Variants in IFT80 observed in about 807,000 individuals in gnomAD.
IFT80 encodes intraflagellar transport protein 80 homolog.
In IFT80, 79 loss-of-function variants were observed where a neutral mutation model predicts 107.9. The ratio of observed to expected loss-of-function variants is 0.73; its 90% CI spans 0.61 to 0.88. The LOEUF (loss-of-function observed/expected upper bound fraction) is 0.88. Ranked by LOEUF, IFT80 falls within the 40% of genes least tolerant of loss-of-function variation. IFT80 has a pLI of 0.00. For missense variants in IFT80, 797 were observed against 914.2 expected (o/e 0.87, Z 1.65); for synonymous variants, 299 against 300.9 (o/e 0.99, Z 0.07).
chr3:160,293,782 C>A (rs1490780404), intron 12 of IFT80, among the ~76,000 whole-genome samples: 1 of 152,170 alleles, frequency 6.6e-6, no homozygotes, highest in Non-Finnish European at 1.5e-5. Context: ...CCCTCCACCC[C>A]ATTAGCAACC....
At chr3:160,318,011 G>A (rs984820420) in intron 9 of IFT80, among the ~76,000 whole-genome samples, 5 of 151,074 alleles carry the variant, frequency 3.3e-5, no homozygotes, top group African/African-American at 7.3e-5. Context: ...ATGGTAGTGT[G>A]GTTATATTAA....
intron 1 of IFT80, among the ~76,000 whole-genome samples, chr3:160,386,576 G>A (rs1166482985): frequency 6.6e-6 from 1 of 152,120 alleles, no homozygotes; most frequent in East Asian, 1.9e-4. Context: ...ACATTTATGA[G>A]GCTTGAGAGG....
chr3:160,313,854 C>G (rs188231068), intron 9 of IFT80, among the ~76,000 whole-genome samples: 2 of 152,142 alleles, frequency 1.3e-5, no homozygotes, highest in East Asian at 3.9e-4. Context: ...GTGATCCACC[C>G]GCCTCGGCCT....
chr3:160,262,794 CAT>C (rs2108199391), intron 19 of IFT80, among the ~76,000 whole-genome samples: 1 of 152,264 alleles, frequency 6.6e-6, no homozygotes, highest in African/African-American at 2.4e-5. Flanking sequence ...GTCAAAGAGA[CAT>C]ATTTTGGGGT....
intron 5 of IFT80, among the ~76,000 whole-genome samples, chr3:160,370,375 A>AT (rs200660321): frequency 0.21 from 30,133 of 146,550 alleles, 3,299 homozygotes; most frequent in Non-Finnish European, 0.26. Context: ...TAGCCATTTG[A>AT]TTTTTTTTTT....
Position 160,381,629 on chromosome 3 carries a change from T to A in IFT80, c.133A>T (p.Ser45Cys), listed in dbSNP as rs543362236. Residue 45 changes from serine to cysteine, a missense_variant, in exon 3 of 20, where the codon AGT becomes TGT. Coordinates refer to ENST00000326448, the MANE Select transcript of IFT80 (RefSeq NM_020800.3). The stretch of plus-strand genomic sequence containing the variant: ...AGCTTTACTATTTGAGTTGTTTCAC[T>A]GGTTAACAAGTTCCACTTCACTATC... ...HQIVKWNLLT[S>C]ETTQIVKLPD... 21 of 1,612,926 alleles carry A rather than the reference T, an allele frequency of 1.3e-5. 1 individual carries two copies. In the South Asian group the frequency reaches 2.2e-4, roughly 17 times the overall value.
intron 2 of IFT80, chr3:160,384,352 A>G: frequency 8.7e-7 from 1 of 1,155,246 alleles, no homozygotes; most frequent in Non-Finnish European, 1.1e-6. Flanking sequence ...AAACGTCAGT[A>G]AGAATTTTAA....
chr3:160,292,269 C>A (rs1344495926), intron 12 of IFT80, among the ~76,000 whole-genome samples: 1 of 152,212 alleles, frequency 6.6e-6, no homozygotes, highest in African/African-American at 2.4e-5. Flanking sequence ...GACCAAGGAA[C>A]ATACCTTACA....
At position 160,377,449 on chromosome 3, in the gene IFT80, T is replaced by C. The variant is rs2108396942; in HGVS notation, c.351A>G (p.Glu117=). The change falls in exon 4 of 20, where the codon GAA becomes GAG. Residue 117 remains glutamate (E), a synonymous_variant. Coordinates refer to ENST00000326448, the MANE Select transcript of IFT80 (RefSeq NM_020800.3). ...ACTTACCTGTAACTAATGCTGTTCC[T>C]TCATAATTCCATCTTCCTGCAAGTA... ...GAVLAGRWNY[E]GTALVTVGED... The C allele has an allele frequency of 6.3e-7, 1 of 1,598,198 alleles. No homozygotes were observed.
At chr3:160,335,464 C>G (rs996556863) in intron 8 of IFT80, among the ~76,000 whole-genome samples, 1 of 152,020 alleles carries the variant, frequency 6.6e-6, no homozygotes, top group African/African-American at 2.4e-5. Flanking sequence ...TGAGGTGATC[C>G]ACTCGCCTCG....
intron 12 of IFT80, among the ~76,000 whole-genome samples, chr3:160,287,431 C>T (rs944627825): frequency 2.0e-5 from 3 of 152,034 alleles, no homozygotes; most frequent in African/African-American, 7.2e-5. Flanking sequence ...ACATTAACTC[C>T]GGGTAGTGTA....
At chr3:160,348,672 A>G (rs1028624128) in intron 8 of IFT80, among the ~76,000 whole-genome samples, 1 of 152,236 alleles carries the variant, frequency 6.6e-6, no homozygotes, top group Non-Finnish European at 1.5e-5. Flanking sequence ...TCTAATAACC[A>G]AATTTTGATA....
intron 12 of IFT80, among the ~76,000 whole-genome samples, chr3:160,287,659 A>G (rs746494349): frequency 3.3e-5 from 5 of 152,192 alleles, no homozygotes; most frequent in Non-Finnish European, 7.4e-5. Context: ...GATGATGCAT[A>G]TATCTTCTGG....
intron 5 of IFT80, among the ~76,000 whole-genome samples, chr3:160,368,267 G>T (rs10513551): frequency 0.53 from 78,688 of 149,522 alleles, 21,032 homozygotes; most frequent in African/African-American, 0.56. Context: ...CCTACTTTTT[G>T]TGTGCTATTT....
Position 160,284,116 on chromosome 3 carries a change from A to G in IFT80, c.1381-1503T>C, listed in dbSNP as rs145782955. On this transcript the variant is annotated intron_variant, in intron 13 of 19. Transcript: ENST00000326448. ...AAAATTTAAAAATCCTTTGTATTGC[A>G]TACAAATGTACTGGGTAATTGGGTG... is the stretch of plus-strand genomic sequence containing the variant. Among the ~76,000 whole-genome samples the G allele has an allele frequency of 3.9e-4, 59 of 152,284 alleles. No homozygotes were observed. The East Asian group carries it at 0.011, about 29-fold the overall frequency.
intron 8 of IFT80, 125 bp from the exon 9 acceptor site, chr3:160,320,064 T>C (rs1718096672): frequency 1.1e-5 from 8 of 707,768 alleles, no homozygotes; most frequent in Non-Finnish European, 1.6e-5. Context: ...GAATTATTAT[T>C]TTTCTTAATA....
chr3:160,347,543 A>T (rs1720377297), intron 8 of IFT80, among the ~76,000 whole-genome samples: 1 of 152,188 alleles, frequency 6.6e-6, no homozygotes. Context: ...ACACAAAATC[A>T]TCTAAAGAGG....
intron 6 of IFT80, among the ~76,000 whole-genome samples, chr3:160,362,333 G>C (rs1003610839): frequency 2.7e-5 from 4 of 150,830 alleles, no homozygotes; most frequent in Non-Finnish European, 4.5e-5. Context: ...CCAGGAAGAA[G>C]TTGAATAGAC....
chr3:160,294,401 T>G (rs1715814807), intron 12 of IFT80, among the ~76,000 whole-genome samples: 1 of 152,122 alleles, frequency 6.6e-6, no homozygotes, highest in South Asian at 2.1e-4. Context: ...TTGTATATTT[T>G]GTAGAAATGT....
Sources: gnomAD v4.1 joint callset for allele counts (sites outside exome capture counted in the v4.1 genomes callset) on GRCh38, gnomAD v4.1.1 for gene constraint, MANE v1.5 for transcripts, NCBI Gene and HGNC (gene_info 2026-07-23, HGNC 2026-07-21) for gene names.